The following TLK2 variants were observed in gnomAD, a reference collection of about 807,000 sequenced individuals.
TLK2 encodes the protein serine/threonine-protein kinase tousled-like 2.
In TLK2, 6 loss-of-function variants were observed where a neutral mutation model predicts 117.3. The ratio of observed to expected loss-of-function variants is 0.05; its 90% CI spans 0.03 to 0.10. TLK2 has a LOEUF of 0.10. Among genes scored for constraint, TLK2 ranks in the 10% least tolerant of loss-of-function variants. The pLI is 1.00. For missense variants in TLK2, 299 were observed against 901.2 expected, an observed-to-expected ratio of 0.33 and a Z score of 8.56; for synonymous variants, 257 against 316.7, an observed-to-expected ratio of 0.81 and a Z score of 2.00.
chr17:62,537,721 TAAATG>T (rs1290483751), intron 7 of TLK2, among the ~76,000 whole-genome samples: 2 of 152,200 alleles, frequency 1.3e-5, no homozygotes, highest in Non-Finnish European at 2.9e-5. Context: ...TAATCTTACT[TAAATG>T]TATGTAGAGC....
At chr17:62,506,454 A>C (rs1307653022) in intron 2 of TLK2, among the ~76,000 whole-genome samples, 1 of 152,194 alleles carries the variant, frequency 6.6e-6, no homozygotes, top group Non-Finnish European at 1.5e-5. Flanking sequence ...GCATCATCTT[A>C]CACCAGTTCC....
At chr17:62,535,153 A>G (rs2077027955) in intron 6 of TLK2, among the ~76,000 whole-genome samples, 1 of 151,956 alleles carries the variant, frequency 6.6e-6, no homozygotes, top group Admixed American at 6.6e-5. Context: ...CTCCCAAAGT[A>G]CTGGGATTAC....
intron 15 of TLK2, among the ~76,000 whole-genome samples, chr17:62,580,412 A>G (rs2081122596): frequency 6.6e-6 from 1 of 151,174 alleles, no homozygotes; most frequent in Non-Finnish European, 1.5e-5. Flanking sequence ...AAATAATTAT[A>G]GATTTAAAAA....
At position 62,524,227 on chromosome 17, in the gene TLK2, G is replaced by A. The variant is rs768750389; in HGVS notation, c.268-9G>A. 1.7e-5 allele frequency: 27 copies of A among 1,613,562 alleles called. No homozygotes were observed. In the African/African-American group the frequency reaches 3.6e-4, roughly 22 times the overall value. ...GAATTATTCATATCGGTTTTTCCCT[G>A]TTGGCCAGTTTGCTGGGGGAAGCGC... On this transcript the variant is annotated splice_polypyrimidine_tract_variant and intron_variant, in intron 5 of 21. Coordinates refer to ENST00000346027, the MANE Select transcript of TLK2 (RefSeq NM_006852.6).
Position 62,524,262 on chromosome 17 carries a change from C to T in TLK2, c.294C>T (p.Thr98=). The T allele has an allele frequency of 6.2e-7, 1 of 1,613,896 alleles. No homozygotes were observed. The highest frequency in any genetic ancestry group is 8.5e-7 in the Non-Finnish European group (1 of 1,179,854). ...TTGCTGGGGGAAGCGCGCCAGGAAC[C>T]AGCCCTGGCAGAAGTGTTCCACCAG... is the stretch of plus-strand genomic sequence containing the variant. ...FEFAGGSAPG[T]SPGRSVPPVA... The change falls in exon 6 of 22, where the codon ACC becomes ACT. Residue 98 remains threonine, a synonymous_variant. Coordinates refer to ENST00000346027, the MANE Select transcript of TLK2 (RefSeq NM_006852.6).
At chr17:62,590,468 T>C (rs575710982) in intron 16 of TLK2, among the ~76,000 whole-genome samples, 2 of 152,288 alleles carry the variant, frequency 1.3e-5, no homozygotes, top group East Asian at 3.9e-4. Flanking sequence ...AGCACGCTTA[T>C]TTTATCAAAT....
chr17:62,595,266 C>T (rs2082385907), intron 16 of TLK2, among the ~76,000 whole-genome samples: 1 of 150,574 alleles, frequency 6.6e-6, no homozygotes, highest in Non-Finnish European at 1.5e-5. Flanking sequence ...CAGGCATGAG[C>T]TGCCGTGCCT....
intron 2 of TLK2, among the ~76,000 whole-genome samples, chr17:62,515,644 T>C (rs2075516637): frequency 1.3e-5 from 2 of 152,204 alleles, no homozygotes; most frequent in Non-Finnish European, 2.9e-5. Context: ...GAAATATCTG[T>C]TCAAGTCCTT....
At chr17:62,491,665 T>G in intron 2 of TLK2, among the ~76,000 whole-genome samples, 1 of 152,220 alleles carries the variant, frequency 6.6e-6, no homozygotes, top group East Asian at 1.9e-4. Context: ...CTCGGCTCAC[T>G]GCAAGCTCCG....
rs2076129640 is a variant in TLK2 at position 62,522,773 on chromosome 17, T to G, written c.224-361T>G. On this transcript the variant is annotated intron_variant, in intron 4 of 21. Coordinates refer to ENST00000346027, the MANE Select transcript of TLK2 (RefSeq NM_006852.6). The stretch of plus-strand genomic sequence containing the variant: ...ATAATCAAAGAAAGAAAAAATGGCT[T>G]GGCTTTTTTTCCTCCCATTCTAAGG... Among the ~76,000 whole-genome samples the G allele has an allele frequency of 2.0e-5, 3 of 152,206 alleles. No homozygotes were observed. The South Asian group carries it at 6.2e-4, about 31-fold the overall frequency.
intron 6 of TLK2, among the ~76,000 whole-genome samples, chr17:62,526,819 T>G (rs2076395138): frequency 6.6e-6 from 1 of 152,222 alleles, no homozygotes; most frequent in African/African-American, 2.4e-5. Flanking sequence ...ATTTTTCCAG[T>G]TCACTGCATT....
intron 6 of TLK2, among the ~76,000 whole-genome samples, chr17:62,533,462 CTG>C (rs1320728954): frequency 7.8e-6 from 1 of 128,270 alleles, no homozygotes; most frequent in African/African-American, 3.0e-5. Flanking sequence ...GTGTGTGTGT[CTG>C]TGTGTGTGTG....
intron 11 of TLK2, among the ~76,000 whole-genome samples, chr17:62,571,424 T>A (rs539655541): frequency 6.7e-6 from 1 of 149,674 alleles, no homozygotes; most frequent in Non-Finnish European, 1.5e-5. Context: ...TGCAGCCATC[T>A]TTTTTTTTTC....
At chr17:62,540,099 C>CTTTTTTTT (rs571889873) in intron 7 of TLK2, among the ~76,000 whole-genome samples, 1 of 125,098 alleles carries the variant, frequency 8.0e-6, no homozygotes, top group Non-Finnish European at 1.7e-5. Context: ...TCTTTCTTTT[C>CTTTTTTTT]TTTTTTTTTT....
intron 19 of TLK2, 86 bp from the exon 20 acceptor site, chr17:62,606,044 A>G (rs2083277180): frequency 3.6e-6 from 2 of 562,180 alleles, no homozygotes; most frequent in Non-Finnish European, 5.7e-6. Flanking sequence ...TCTATTTTCA[A>G]CAAGATATTT....
exon 1 of TLK2, chr17:62,471,063 A>C (rs1444486316): frequency 2.0e-5 from 3 of 152,272 alleles, no homozygotes; most frequent in Non-Finnish European, 2.9e-5. Flanking sequence ...TTTGGCCTTG[A>C]TGACAGCCTG....
At chr17:62,479,394 G>A (rs1320253228) in intron 1 of TLK2, 104 bp downstream of exon 1, 1 of 153,362 alleles carries the variant, frequency 6.5e-6, no homozygotes, top group Non-Finnish European at 1.5e-5. Flanking sequence ...CCCAGCTCGG[G>A]GCCGGCTCCG....
At chr17:62,480,250 T>A (rs554514167) in intron 1 of TLK2, among the ~76,000 whole-genome samples, 1 of 152,400 alleles carries the variant, frequency 6.6e-6, no homozygotes, top group Admixed American at 6.5e-5. Context: ...AGGGGTTCTA[T>A]GTAATATGTT....
chr17:62,539,137 G>A (rs2077322211), intron 7 of TLK2, among the ~76,000 whole-genome samples: 1 of 152,152 alleles, frequency 6.6e-6, no homozygotes, highest in African/African-American at 2.4e-5. Flanking sequence ...ACTTGGTAAT[G>A]TATCTCAATG....
Sources: gnomAD v4.1 joint callset for allele counts (sites outside exome capture counted in the v4.1 genomes callset) on GRCh38, gnomAD v4.1.1 for gene constraint, MANE v1.5 for transcripts, NCBI Gene and HGNC (gene_info 2026-07-23, HGNC 2026-07-21) for gene names.